Variants in QKI observed in about 807,000 individuals in gnomAD.
The protein encoded by QKI is QKI, KH domain containing RNA binding, also known as KH domain-containing RNA-binding protein QKI.
A neutral mutation model predicts 39.0 loss-of-function variants in QKI; 10 were observed. That is an observed-to-expected ratio of 0.26 (90% CI 0.16 to 0.43). The LOEUF is 0.43. Among genes scored for constraint, QKI ranks in the 20% least tolerant of loss-of-function variants. The probability of loss-of-function intolerance (pLI) is 1.00; values close to 1 mark genes in which losing one functional copy is unlikely to be tolerated. For missense variants in QKI, 218 were observed against 428.0 expected (o/e 0.51, Z 4.33); for synonymous variants, 204 against 155.4 (o/e 1.31, Z -2.33).
At chr6:163,499,664 C>T (rs1353436155) in intron 3 of QKI, among the ~76,000 whole-genome samples, 1 of 152,140 alleles carries the variant, frequency 6.6e-6, no homozygotes, top group Non-Finnish European at 1.5e-5. Flanking sequence ...TCCTCACCTT[C>T]TAAAAAATCA....
intron 2 of QKI, among the ~76,000 whole-genome samples, chr6:163,462,796 A>G (rs1276688488): frequency 6.6e-6 from 1 of 152,202 alleles, no homozygotes; most frequent in Non-Finnish European, 1.5e-5. Context: ...CAATCCTGGT[A>G]TGGAATAATG....
Position 163,570,762 on chromosome 6 carries a change from CCT to C in QKI, c.*53_*54del, listed in dbSNP as rs1198843301. ...TTCACCCAATGATGACCTGACCATG[CCT>C]GCCTGCTGATCAGTTAACTGGTAAT... On this transcript the variant is annotated 3_prime_UTR_variant, in exon 8 of 8. Coordinates refer to ENST00000361752, the MANE Select transcript of QKI (RefSeq NM_006775.3). 1 of 1,605,348 alleles carries C rather than the reference CCT, an allele frequency of 6.2e-7. No homozygotes were observed. Among genetic ancestry groups the C allele is most frequent in the East Asian group, 2.2e-5 (1 of 44,642 alleles).
intron 4 of QKI, among the ~76,000 whole-genome samples, chr6:163,536,465 G>T (rs182617561): frequency 6.6e-6 from 1 of 152,190 alleles, no homozygotes; most frequent in African/African-American, 2.4e-5. Flanking sequence ...CCAGACGACA[G>T]TGGGCTATTC....
chr6:163,570,162 G>A lies in QKI; in HGVS notation c.1010-532G>A, dbSNP rs1168000256. 4.1e-6 allele frequency: 4 copies of A among 985,626 alleles called. No homozygotes were observed. In the African/African-American group the frequency reaches 7.0e-5, roughly 17 times the overall value. 61.1% of individuals were successfully genotyped at this position (985,626 alleles called of 1,614,324 possible). ...CAAAAGAAACCTTGTTTGGCCCAGA[G>A]TTTATGTTGAACCAAATGGTTCATA... On this transcript the variant is annotated intron_variant, in intron 7 of 7. Transcript: ENST00000361752.
rs544713525 is a variant in QKI at position 163,577,291 on chromosome 6, A to T, written c.*6581A>T. 1 of 152,238 alleles carries T rather than the reference A, an allele frequency of 6.6e-6. No homozygotes were observed. Among genetic ancestry groups the T allele is most frequent in the South Asian group, 2.1e-4 (1 of 4,820 alleles). 9.4% of individuals were successfully genotyped at this position (152,238 alleles called of 1,614,324 possible). A position where few individuals can be genotyped will look rare whatever the true frequency, so the allele number is the denominator to read the frequency against. The stretch of plus-strand genomic sequence containing the variant: ...AGTAGCCCACAGTTGCAGGATCCAT[A>T]GCACCGTCGTGCAGACTAGCAGCCC... On this transcript the variant is annotated 3_prime_UTR_variant, in exon 8 of 8. Coordinates refer to ENST00000361752, the MANE Select transcript of QKI (RefSeq NM_006775.3).
At chr6:163,524,261 A>T (rs75139921) in intron 3 of QKI, among the ~76,000 whole-genome samples, 5,917 of 152,264 alleles carry the variant, frequency 0.039, 397 homozygotes, top group African/African-American at 0.14. Flanking sequence ...GCTTTTTCTT[A>T]AAAAATGTAT....
At chr6:163,482,798 G>A (rs552644901) in intron 3 of QKI, among the ~76,000 whole-genome samples, 64 of 135,392 alleles carry the variant, frequency 4.7e-4, no homozygotes, top group Non-Finnish European at 8.5e-4. Flanking sequence ...TCCAAACCCC[G>A]TCCTTCTGTT....
chr6:163,515,150 T>C (rs960274989), intron 3 of QKI, among the ~76,000 whole-genome samples: 5 of 152,186 alleles, frequency 3.3e-5, no homozygotes, highest in African/African-American at 9.7e-5. Flanking sequence ...CTTTACCTTA[T>C]TAATACTCAA....
intron 3 of QKI, among the ~76,000 whole-genome samples, chr6:163,515,774 CTT>C (rs1168250950): frequency 6.6e-6 from 1 of 152,076 alleles, no homozygotes; most frequent in Non-Finnish European, 1.5e-5. Flanking sequence ...TCAGAAAGCA[CTT>C]TGAATATTGA....
chr6:163,505,298 TC>T (rs1236487285), intron 3 of QKI, among the ~76,000 whole-genome samples: 2 of 151,738 alleles, frequency 1.3e-5, no homozygotes, highest in Non-Finnish European at 2.9e-5. Context: ...CCACACAGAG[TC>T]CCCACTGGGT....
At chr6:163,421,967 A>ACTCTTGACCCCATGATCTGACCGCCTCGG (rs1263463208) in intron 1 of QKI, among the ~76,000 whole-genome samples, 5 of 148,554 alleles carry the variant, frequency 3.4e-5, no homozygotes, top group Admixed American at 2.7e-4. Flanking sequence ...CTGATCTTGA[A>ACTCTTGACCCCATGATCTGACCGCCTCGG]CTCTTGACCC....
At chr6:163,512,405 T>A (rs1379159685) in intron 3 of QKI, among the ~76,000 whole-genome samples, 1 of 152,090 alleles carries the variant, frequency 6.6e-6, no homozygotes, top group African/African-American at 2.4e-5. Context: ...TATTTTTTAA[T>A]ATAGAAAGTT....
intron 6 of QKI, chr6:163,564,958 A>G (rs1011432080): frequency 5.4e-6 from 7 of 1,308,008 alleles, no homozygotes; most frequent in Non-Finnish European, 6.8e-6. Context: ...ACTGGAGAAC[A>G]CTAAGATTTA....
At chr6:163,452,331 T>A (rs183018660) in intron 1 of QKI, among the ~76,000 whole-genome samples, 1 of 151,412 alleles carries the variant, frequency 6.6e-6, no homozygotes, top group African/African-American at 2.4e-5. Context: ...TTCCCATCAT[T>A]ACTATCTTAT....
chr6:163,486,752 A>G (rs1313492435), intron 3 of QKI, among the ~76,000 whole-genome samples: 1 of 152,212 alleles, frequency 6.6e-6, no homozygotes, highest in East Asian at 1.9e-4. Context: ...AGTTATGCAT[A>G]TGTACACGTA....
intron 3 of QKI, among the ~76,000 whole-genome samples, chr6:163,517,724 G>A (rs1779920434): frequency 1.3e-5 from 2 of 152,224 alleles, no homozygotes; most frequent in South Asian, 4.1e-4. Context: ...ATGAAATTCT[G>A]GAAACTCTAG....
chr6:163,438,098 A>G (rs1034661953), intron 1 of QKI, among the ~76,000 whole-genome samples: 3 of 152,184 alleles, frequency 2.0e-5, no homozygotes, highest in African/African-American at 7.2e-5. Context: ...TCCTTTTGCT[A>G]TGTATAGTAG....
intron 3 of QKI, among the ~76,000 whole-genome samples, chr6:163,500,987 A>G (rs1280423078): frequency 6.6e-6 from 1 of 152,048 alleles, no homozygotes; most frequent in African/African-American, 2.4e-5. Flanking sequence ...TCTGATAGAA[A>G]CCCACAAAAT....
intron 1 of QKI, chr6:163,415,939 C>A (rs534974715): frequency 3.0e-4 from 152 of 510,660 alleles, no homozygotes; most frequent in African/African-American, 2.8e-3. Context: ...CGTAGGAGAC[C>A]GAAATTATGC....
Sources: gnomAD v4.1 joint callset for allele counts (sites outside exome capture counted in the v4.1 genomes callset) on GRCh38, gnomAD v4.1.1 for gene constraint, MANE v1.5 for transcripts, NCBI Gene and HGNC (gene_info 2026-07-23, HGNC 2026-07-21) for gene names.